The following PIKFYVE variants were observed in gnomAD, a reference collection of about 807,000 sequenced individuals.
PIKFYVE encodes phosphoinositide kinase, FYVE-type zinc finger containing, also known as 1-phosphatidylinositol 3-phosphate 5-kinase.
Under a neutral mutation model 257.9 loss-of-function variants are expected in PIKFYVE, and 122 were observed. That is an observed-to-expected ratio of 0.47 (90% CI 0.41 to 0.55). The LOEUF (loss-of-function observed/expected upper bound fraction) is 0.55, where lower values mean the gene tolerates loss of function less well. PIKFYVE is among the 20% of genes least tolerant of loss of function. The pLI, the probability that PIKFYVE is intolerant of heterozygous loss-of-function variation, is 0.00. For missense variants in PIKFYVE, 2,160 were observed against 2,536.6 expected (o/e 0.85, Z 3.19); for synonymous variants, 892 against 868.9 (o/e 1.03, Z -0.47).
In PIKFYVE at chr2:208,354,160, G is replaced by A; in HGVS notation, c.6106+1G>A. 2 of 1,612,372 alleles carry A rather than the reference G, an allele frequency of 1.2e-6. No homozygotes were observed. The highest frequency in any genetic ancestry group is 1.7e-6 in the Non-Finnish European group (2 of 1,179,700). The stretch of plus-strand genomic sequence containing the variant: ...AATGAGCTAGTAGTTGGAATTATAG[G>A]TAAGTCAATGAGTACCCTGCTTATA... On this transcript the variant is annotated splice_donor_variant, in intron 40 of 41. Transcript: ENST00000264380. LOFTEE classifies it high-confidence loss of function.
chr2:208,276,574 A>G (rs1352524702), intron 3 of PIKFYVE, 138 bp from the exon 4 acceptor site: 2 of 733,618 alleles, frequency 2.7e-6, no homozygotes, highest in East Asian at 2.7e-5. Flanking sequence ...ACTTGTTTTA[A>G]CTCTCAATTC....
chr2:208,291,485 C>G (rs538566592), intron 7 of PIKFYVE, among the ~76,000 whole-genome samples: 1 of 152,178 alleles, frequency 6.6e-6, no homozygotes, highest in South Asian at 2.1e-4. Flanking sequence ...CCTGGCCTCA[C>G]AGACTGAGTT....
chr2:208,330,795 T>C (rs1697456274), intron 23 of PIKFYVE, 101 bp downstream of exon 23: 2 of 1,181,212 alleles, frequency 1.7e-6, no homozygotes, highest in East Asian at 4.7e-5. Flanking sequence ...CTGGATTCGT[T>C]ATTTGTTATA....
Position 208,338,828 on chromosome 2 carries a change from A to AT in PIKFYVE, c.4672+268dup, listed in dbSNP as rs199691437. 2.4e-3 allele frequency among the ~76,000 whole-genome samples: 360 copies of AT among 152,116 alleles called. 2 individuals carry two copies. Among genetic ancestry groups the AT allele is most frequent in the East Asian group, 0.01 (54 of 5,186 alleles). On this transcript the variant is annotated intron_variant, in intron 29 of 41. Coordinates refer to ENST00000264380, the MANE Select transcript of PIKFYVE (RefSeq NM_015040.4). ...GAAAAAACAGAAAAAAGTAAATTGA[A>AT]TTTTTTTTGCTTATTACAAAGTCAA...
chr2:208,336,447 A>C lies in PIKFYVE; in HGVS notation c.4520+247A>C, dbSNP rs529369016. 1.1e-3 allele frequency among the ~76,000 whole-genome samples: 172 copies of C among 152,278 alleles called. 2 individuals are homozygous for C. The highest frequency in any genetic ancestry group is 4.0e-3 in the African/African-American group (168 of 41,548). On this transcript the variant is annotated intron_variant, in intron 27 of 41. Coordinates refer to ENST00000264380, the MANE Select transcript of PIKFYVE (RefSeq NM_015040.4). ...TTGATGCTGTTTCTAATATAATTTG[A>C]AACAATGTTGTTCAGATGTGTGTGC...
chr2:208,304,381 G>T (rs1227397505), intron 11 of PIKFYVE, 63 bp downstream of exon 11: 1 of 1,558,710 alleles, frequency 6.4e-7, no homozygotes, highest in Non-Finnish European at 8.8e-7. Context: ...ATGATAAAAT[G>T]ATTATCTTGT....
chr2:208,327,957 A>G (rs1697125110), intron 20 of PIKFYVE, among the ~76,000 whole-genome samples: 1 of 152,216 alleles, frequency 6.6e-6, no homozygotes, highest in Non-Finnish European at 1.5e-5. Context: ...CAAGCTATCT[A>G]GACATTGTTT....
At chr2:208,350,272 T>C (rs1469941) in intron 36 of PIKFYVE, among the ~76,000 whole-genome samples, 189 bp downstream of exon 36, 7,505 of 152,148 alleles carry the variant, frequency 0.049, 393 homozygotes, top group African/African-American at 0.13. Context: ...TATAAAGAAA[T>C]TTAATCAAAA....
At chr2:208,285,970 A>G (rs760746369) in intron 6 of PIKFYVE, 37 bp downstream of exon 6, 10 of 1,583,158 alleles carry the variant, frequency 6.3e-6, no homozygotes, top group Non-Finnish European at 8.7e-6. Context: ...TTAGAGTTGA[A>G]AAATATCGAT....
chr2:208,289,552 C>T (rs1692021005), intron 7 of PIKFYVE, among the ~76,000 whole-genome samples: 3 of 152,112 alleles, frequency 2.0e-5, no homozygotes, highest in Admixed American at 1.3e-4. Flanking sequence ...GCCTCAGCTT[C>T]CTGAGTAGCT....
chr2:208,353,777 C>T (rs780079226), intron 39 of PIKFYVE, 121 bp from the exon 40 acceptor site: 3 of 1,172,106 alleles, frequency 2.6e-6, no homozygotes, highest in Non-Finnish European at 3.7e-6. Flanking sequence ...TTCAGTTAAA[C>T]TTTGGAGTGT....
intron 5 of PIKFYVE, among the ~76,000 whole-genome samples, chr2:208,284,304 A>G (rs1455754404): frequency 7.0e-6 from 1 of 143,838 alleles, no homozygotes; most frequent in Non-Finnish European, 1.5e-5. Flanking sequence ...TTTATTGCCC[A>G]GGCTGGAGTG....
chr2:208,290,218 A>C (rs1692127924), intron 7 of PIKFYVE, among the ~76,000 whole-genome samples: 1 of 152,228 alleles, frequency 6.6e-6, no homozygotes, highest in Non-Finnish European at 1.5e-5. Context: ...TGCGTCTGTC[A>C]TTGTTGTATC....
At chr2:208,334,349 G>A (rs554899897) in intron 24 of PIKFYVE, 3 of 152,628 alleles carry the variant, frequency 2.0e-5, no homozygotes, top group African/African-American at 7.2e-5. Flanking sequence ...AAGGGTGTCT[G>A]TTTCACCTGG....
At chr2:208,270,037 A>ATT (rs943072206) in intron 1 of PIKFYVE, 1,132 of 109,306 alleles carry the variant, frequency 0.01, 6 homozygotes, top group Non-Finnish European at 0.015. Flanking sequence ...AGACTACAGT[A>ATT]TTTTTTTTTT....
intron 7 of PIKFYVE, among the ~76,000 whole-genome samples, chr2:208,295,066 T>A (rs556419213): frequency 2.0e-5 from 3 of 152,348 alleles, no homozygotes; most frequent in African/African-American, 7.2e-5. Context: ...CCTACCCTAT[T>A]ACTGGTTCCC....
chr2:208,353,251 C>A (rs1405279732), intron 39 of PIKFYVE, among the ~76,000 whole-genome samples: 2 of 152,186 alleles, frequency 1.3e-5, no homozygotes, highest in African/African-American at 4.8e-5. Context: ...ATTGAGAACA[C>A]CTTCTATGAG....
At chr2:208,302,491 CTTT>C in intron 10 of PIKFYVE, 138 bp downstream of exon 10, 1 of 797,132 alleles carries the variant, frequency 1.3e-6, no homozygotes, top group Non-Finnish European at 2.1e-6. Flanking sequence ...AAAGTTAAAA[CTTT>C]TTTTACTTGG....
At chr2:208,351,747 G>T (rs1699793713) in intron 38 of PIKFYVE, among the ~76,000 whole-genome samples, 1 of 152,090 alleles carries the variant, frequency 6.6e-6, no homozygotes, top group African/African-American at 2.4e-5. Flanking sequence ...GGTTGGGGGT[G>T]GGGGAAAGTG....
Sources: gnomAD v4.1 joint callset for allele counts (sites outside exome capture counted in the v4.1 genomes callset) on GRCh38, gnomAD v4.1.1 for gene constraint, MANE v1.5 for transcripts, NCBI Gene and HGNC (gene_info 2026-07-23, HGNC 2026-07-21) for gene names.